The following SHISA2 variants were observed in gnomAD, a reference collection of about 807,000 sequenced individuals.
SHISA2 encodes shisa family member 2.
In SHISA2, 16 loss-of-function variants were observed where a neutral mutation model predicts 23.8. The observed-to-expected ratio is 0.67, with a 90% CI of 0.46 to 1.02. The LOEUF (loss-of-function observed/expected upper bound fraction) is 1.02, where lower values mean the gene tolerates loss of function less well. SHISA2 is among the 50% of genes least tolerant of loss of function. SHISA2 has a pLI of 0.00. For missense variants in SHISA2, 459 were observed against 420.1 expected, an observed-to-expected ratio of 1.09 and a Z score of -0.81; for synonymous variants, 201 against 178.6, an observed-to-expected ratio of 1.13 and a Z score of -1.00.
Position 26,050,983 on chromosome 13 carries a change from C to A in SHISA2, c.-8G>T, listed in dbSNP as rs1415423141. 2 of 1,493,636 alleles carry A rather than the reference C, an allele frequency of 1.3e-6. No homozygotes were observed. The highest frequency in any genetic ancestry group is 4.7e-4 in the Middle Eastern group (2 of 4,238). 92.5% of individuals were successfully genotyped at this position (1,493,636 alleles called of 1,614,324 possible). On this transcript the variant is annotated 5_prime_UTR_variant, in exon 1 of 2. Coordinates refer to ENST00000319420, the MANE Select transcript of SHISA2 (RefSeq NM_001007538.2). Reference sequence around the variant, plus strand: ...GCGGCGAGCGCCCCACATGGCACCACCCTGGGCGCGGACAGCGCGTCTCCA... The same window carrying A: ...GCGGCGAGCGCCCCACATGGCACCAACCTGGGCGCGGACAGCGCGTCTCCA...
At chr13:26,050,382 G>C (rs1309272073) in intron 1 of SHISA2, among the ~76,000 whole-genome samples, 1 of 152,216 alleles carries the variant, frequency 6.6e-6, no homozygotes, top group East Asian at 1.9e-4. Context: ...TATGGGGGCT[G>C]TCTGTGGCCC....
Position 26,046,466 on chromosome 13 carries a change from C to T in SHISA2, c.*47G>A. The stretch of plus-strand genomic sequence containing the variant: ...CGGACTTCCACCTCGAGAATCCACC[C>T]CTGCCTTCGTCTCCCTTCAGTAAAG... On this transcript the variant is annotated 3_prime_UTR_variant, in exon 2 of 2. Transcript: ENST00000319420. The T allele has an allele frequency of 2.0e-6, 3 of 1,535,098 alleles. No individual in the cohort carries two copies. In the South Asian group the frequency reaches 3.8e-5, roughly 20 times the overall value.
chr13:26,049,307 G>C (rs1418155729), intron 1 of SHISA2, among the ~76,000 whole-genome samples: 1 of 152,188 alleles, frequency 6.6e-6, no homozygotes, highest in African/African-American at 2.4e-5. Context: ...AAAAGTGAAA[G>C]AAATACAATT....
At chr13:26,047,955 A>G (rs1007819234) in intron 1 of SHISA2, among the ~76,000 whole-genome samples, 7 of 152,338 alleles carry the variant, frequency 4.6e-5, no homozygotes, top group Admixed American at 2.0e-4. Flanking sequence ...ATAGAAAACC[A>G]TAAAAAGTAA....
rs916485303 is a variant in SHISA2, at chr13:26,045,942, T to C, written c.*571A>G. Reference sequence around the variant, plus strand: ...TACAAAAAATACAAAAAATTAGCCATGGGGGCAGGCACCTGTAATCCCAGC... The same window carrying C: ...TACAAAAAATACAAAAAATTAGCCACGGGGGCAGGCACCTGTAATCCCAGC... On this transcript the variant is annotated 3_prime_UTR_variant, in exon 2 of 2. Transcript: ENST00000319420. 1 of 151,816 alleles carries C rather than the reference T, an allele frequency of 6.6e-6. No homozygotes were observed. The highest frequency in any genetic ancestry group is 6.6e-5 in the Admixed American group (1 of 15,240). The allele number at this position is 151,816 out of a possible 1,614,324, so 9.4% of individuals were successfully genotyped here.
rs985639061 is a variant in SHISA2, at chr13:26,051,499, C to G, written c.-524G>C. On this transcript the variant is annotated 5_prime_UTR_variant, in exon 1 of 2. Transcript: ENST00000319420. ...GAAGGCGGGCAGTGCACGCAAGGCT[C>G]TGGGCAGCAAGTGACGCAGCCGGCC... Among the ~76,000 whole-genome samples the G allele has an allele frequency of 5.2e-4, 79 of 152,224 alleles. No individual in the cohort carries two copies. The highest frequency in any genetic ancestry group is 1.7e-3 in the African/African-American group (70 of 41,468).
chr13:26,046,970 C>A lies in SHISA2; in HGVS notation c.431G>T (p.Arg144Leu). The A allele has an allele frequency of 6.2e-7, 1 of 1,607,592 alleles. No individual in the cohort carries two copies. The highest frequency in any genetic ancestry group is 8.5e-7 in the Non-Finnish European group (1 of 1,175,446). Residue 144 changes from arginine to leucine, a missense_variant, in exon 2 of 2, where the codon CGG becomes CTG. Arg to Leu is a moderately radical substitution (Grantham distance 102). Coordinates refer to ENST00000319420, the MANE Select transcript of SHISA2 (RefSeq NM_001007538.2). ...GCTCTGCTGGGGATCCTGCTTAGGC[C>A]GGAGACATCTGCAGCAACAGGCTGC... ...LVAACCCRCLRPKQDPQQSRA... is the reference protein window; with the variant it reads ...LVAACCCRCLLPKQDPQQSRA...
In SHISA2 at chr13:26,046,309, G is replaced by A; in HGVS notation, c.*204C>T. ...TCACAGTCATCTCCAGCTGAGGCCGGTTTTCCATCATAAATCAATGATACC... is the reference window on the plus strand; with the variant it reads ...TCACAGTCATCTCCAGCTGAGGCCGATTTTCCATCATAAATCAATGATACC... On this transcript the variant is annotated 3_prime_UTR_variant, in exon 2 of 2. Transcript: ENST00000319420. 1.7e-6 allele frequency: 1 copy of A among 596,182 alleles called. No individual in the cohort carries two copies. Among genetic ancestry groups the A allele is most frequent in the Non-Finnish European group, 2.8e-6 (1 of 355,042 alleles). 36.9% of individuals were successfully genotyped at this position (596,182 alleles called of 1,614,324 possible). A position where few individuals can be genotyped will look rare whatever the true frequency, so the allele number is the denominator to read the frequency against.
chr13:26,047,709 A>G (rs777772925), intron 1 of SHISA2, among the ~76,000 whole-genome samples: 1 of 152,216 alleles, frequency 6.6e-6, no homozygotes, highest in African/African-American at 2.4e-5. Context: ...AGCAAAAGCC[A>G]GGGTCCTTGG....
chr13:26,050,637 C>T lies in SHISA2; in HGVS notation c.334+5G>A. 7.2e-7 allele frequency: 1 copy of T among 1,394,744 alleles called. No individual in the cohort carries two copies. Among genetic ancestry groups the T allele is most frequent in the Non-Finnish European group, 9.2e-7 (1 of 1,084,168 alleles). 86.4% of individuals were successfully genotyped at this position (1,394,744 alleles called of 1,614,324 possible). On this transcript the variant is annotated splice_donor_5th_base_variant and intron_variant, in intron 1 of 1. Coordinates refer to ENST00000319420, the MANE Select transcript of SHISA2 (RefSeq NM_001007538.2). ...CCCTTTCGCGCTGGGCGCAGGCCGC[C>T]CTACCTGCCGAGCCGTCGGGGCCGT...
intron 1 of SHISA2, among the ~76,000 whole-genome samples, chr13:26,049,656 A>C (rs1302455420): frequency 2.6e-5 from 4 of 152,184 alleles, no homozygotes; most frequent in African/African-American, 9.7e-5. Context: ...AACGGCACTG[A>C]AAAGAGCTGT....
chr13:26,050,892 C>CGCCAGCAGCGCA lies in SHISA2; in HGVS notation c.72_83dup (p.Leu26_Ala29dup), dbSNP rs1555308776. On this transcript the variant is annotated inframe_insertion, in exon 1 of 2. Coordinates refer to ENST00000319420, the MANE Select transcript of SHISA2 (RefSeq NM_001007538.2). ...ACTCGCCGCTGGCCCTCGCCCCCGC[C>CGCCAGCAGCGCA]GCCAGCAGCGCAGCCAGCAGCAGCT... is the stretch of plus-strand genomic sequence containing the variant. The CGCCAGCAGCGCA allele has an allele frequency of 2.0e-6, 3 of 1,519,568 alleles. No individual in the cohort carries two copies. The highest frequency in any genetic ancestry group is 2.6e-6 in the Non-Finnish European group (3 of 1,141,144). 94.1% of individuals were successfully genotyped at this position (1,519,568 alleles called of 1,614,324 possible). A position where few individuals can be genotyped will look rare whatever the true frequency, so the allele number is the denominator to read the frequency against.
chr13:26,048,153 T>G (rs1957278795), intron 1 of SHISA2, among the ~76,000 whole-genome samples: 1 of 151,770 alleles, frequency 6.6e-6, no homozygotes, highest in African/African-American at 2.4e-5. Flanking sequence ...AACCACAAAA[T>G]TTAGCTGAGT....
chr13:26,049,827 ATTT>A, intron 1 of SHISA2, among the ~76,000 whole-genome samples: 1 of 140,674 alleles, frequency 7.1e-6, no homozygotes, highest in Non-Finnish European at 1.5e-5. Context: ...CACGTTTGCC[ATTT>A]TACCTCTACA....
intron 1 of SHISA2, 32 bp downstream of exon 1, chr13:26,050,610 C>A: frequency 7.2e-7 from 1 of 1,382,428 alleles, no homozygotes; most frequent in South Asian, 1.6e-5. Flanking sequence ...GCCAACCGTC[C>A]TCCCTTTCGC....
At chr13:26,049,983 G>A (rs951142966) in intron 1 of SHISA2, among the ~76,000 whole-genome samples, 9 of 151,718 alleles carry the variant, frequency 5.9e-5, no homozygotes, top group Non-Finnish European at 1.2e-4. Context: ...ATTCTTTCAC[G>A]GGTTTACTTT....
Position 26,050,830 on chromosome 13 carries a change from C to T in SHISA2, c.146G>A (p.Arg49His). 1 of 1,536,392 alleles carries T rather than the reference C, an allele frequency of 6.5e-7. No homozygotes were observed. The highest frequency in any genetic ancestry group is 1.2e-5 in the South Asian group (1 of 83,772). Residue 49 changes from arginine (R) to histidine (H), a missense_variant, in exon 1 of 2, where the codon CGC becomes CAC. By Grantham distance (29) the Arg-to-His change is conservative. Transcript: ENST00000319420. ...GCGCTCGGGACACTGGAAGCCGATG[C>T]GCCAGACGCCCTGCGCGTCCAGCCA... ...HGWLDAQGVWRIGFQCPERFD... is the reference protein window; with the variant it reads ...HGWLDAQGVWHIGFQCPERFD...
At position 26,051,113 on chromosome 13, in the gene SHISA2, G is replaced by A; in HGVS notation, c.-138C>T. 1 of 766,782 alleles carries A rather than the reference G, an allele frequency of 1.3e-6. No homozygotes were observed. The highest frequency in any genetic ancestry group is 1.9e-6 in the Non-Finnish European group (1 of 517,886). 47.5% of individuals were successfully genotyped at this position (766,782 alleles called of 1,614,324 possible). On this transcript the variant is annotated 5_prime_UTR_variant, in exon 1 of 2. Transcript: ENST00000319420. ...CGCGCGGGCCACTCCCCTCTGCCGC[G>A]ACGCCCAGGAGGCGACGACGCCGGG...
rs1957262722 is a variant in SHISA2, at chr13:26,045,837, C to G, written c.*676G>C. On this transcript the variant is annotated 3_prime_UTR_variant, in exon 2 of 2. Transcript: ENST00000319420. The stretch of plus-strand genomic sequence containing the variant: ...GTGGCTCACGCCTGTAATCCCAGCA[C>G]TTTGGGAGGCTGAGACAGGCAGATT... 6.6e-6 allele frequency: 1 copy of G among 151,026 alleles called. No individual in the cohort carries two copies. Among genetic ancestry groups the G allele is most frequent in the Non-Finnish European group, 1.5e-5 (1 of 67,836 alleles). The allele number at this position is 151,026 out of a possible 1,614,324, so 9.4% of individuals were successfully genotyped here. A position where few individuals can be genotyped will look rare whatever the true frequency, so the allele number is the denominator to read the frequency against.
Sources: allele counts gnomAD v4.1 joint callset (sites outside exome capture counted in the v4.1 genomes callset), GRCh38; gene constraint gnomAD v4.1.1; transcripts MANE v1.5; gene names NCBI Gene and HGNC (gene_info 2026-07-23, HGNC 2026-07-21).